CRKL: variants seen among roughly 807,000 people sequenced by gnomAD.
CRKL encodes CRK like proto-oncogene, adaptor protein.
In CRKL, 3 loss-of-function variants were observed where a neutral mutation model predicts 23.0. That is an observed-to-expected ratio of 0.13 (90% CI 0.06 to 0.34). CRKL has a LOEUF of 0.34. CRKL is among the 10% of genes least tolerant of loss of function. CRKL has a pLI of 1.00. For missense variants in CRKL, 256 were observed against 394.5 expected (o/e 0.65, Z 2.97); for synonymous variants, 188 against 160.7 (o/e 1.17, Z -1.28).
intron 1 of CRKL, among the ~76,000 whole-genome samples, chr22:20,931,535 T>C (rs1921453009): frequency 6.6e-6 from 1 of 152,228 alleles, no homozygotes; most frequent in African/African-American, 2.4e-5. Flanking sequence ...CCATTAATTC[T>C]CATACACCTG....
chr22:20,930,598 T>C (rs1476605057), intron 1 of CRKL, among the ~76,000 whole-genome samples: 1 of 150,624 alleles, frequency 6.6e-6, no homozygotes, highest in African/African-American at 2.4e-5. Flanking sequence ...GCCAGGTTGG[T>C]CTTGAACTCC....
At chr22:20,921,293 G>A (rs1920990402) in intron 1 of CRKL, among the ~76,000 whole-genome samples, 1 of 152,192 alleles carries the variant, frequency 6.6e-6, no homozygotes, top group Admixed American at 6.5e-5. Flanking sequence ...TTAAGGACTG[G>A]TGGCTTGCAT....
chr22:20,942,580 A>G lies in CRKL; in HGVS notation c.778-7131A>G, dbSNP rs541168899. Among the ~76,000 whole-genome samples the G allele has an allele frequency of 8.6e-5, 13 of 151,728 alleles. No homozygotes were observed. In the South Asian group the frequency reaches 2.3e-3, roughly 27 times the overall value. ...CCTTGCTTTCAGTTATTTTGGTTAT[A>G]TATCTCAGAGTGGATTTCTGGGTCA... is the stretch of plus-strand genomic sequence containing the variant. On this transcript the variant is annotated intron_variant, in intron 2 of 2. Transcript: ENST00000354336.
intron 1 of CRKL, among the ~76,000 whole-genome samples, chr22:20,931,017 T>G (rs954616142): frequency 6.6e-6 from 1 of 151,976 alleles, no homozygotes; most frequent in Admixed American, 6.6e-5. Context: ...TAAAATACTC[T>G]TGGATGGAGT....
intron 1 of CRKL, among the ~76,000 whole-genome samples, chr22:20,927,578 C>CA (rs1921271162): frequency 6.8e-6 from 1 of 147,106 alleles, no homozygotes; most frequent in African/African-American, 2.5e-5. Flanking sequence ...TGCCGTGGCT[C>CA]ACGCCTGTAA....
Position 20,949,734 on chromosome 22 carries a change from A to T in CRKL, c.801A>T (p.Thr267=). The stretch of plus-strand genomic sequence containing the variant: ...AGGTTGGTGACATCGTGAAAGTCAC[A>T]AGGATGAATATAAATGGCCAGTGGG... ...ALEVGDIVKV[T]RMNINGQWEG... is the part of the protein sequence containing the mutation. The change falls in exon 3 of 3, where the codon ACA becomes ACT. Residue 267 remains threonine (T), a synonymous_variant. Transcript: ENST00000354336. The T allele has an allele frequency of 1.2e-6, 2 of 1,613,200 alleles. No homozygotes were observed. The highest frequency in any genetic ancestry group is 4.5e-5 in the East Asian group (2 of 44,804).
intron 2 of CRKL, among the ~76,000 whole-genome samples, chr22:20,940,566 C>CTTTTTTTTTTTTTT (rs55853175): frequency 7.4e-6 from 1 of 134,922 alleles, no homozygotes. Context: ...TTTGGTGCTC[C>CTTTTTTTTTTTTTT]TTTTTTTTTT....
chr22:20,920,866 C>A (rs533215880), intron 1 of CRKL, among the ~76,000 whole-genome samples: 3 of 152,310 alleles, frequency 2.0e-5, no homozygotes, highest in Admixed American at 6.5e-5. Context: ...GACCCTACCC[C>A]TCACGTTCAG....
At chr22:20,922,829 C>G (rs780346896) in intron 1 of CRKL, among the ~76,000 whole-genome samples, 47 of 152,126 alleles carry the variant, frequency 3.1e-4, no homozygotes, top group Middle Eastern at 3.4e-3. Flanking sequence ...TGCACTGCCA[C>G]ACCTGGCTAA....
At chr22:20,923,441 G>T (rs1569131708) in intron 1 of CRKL, among the ~76,000 whole-genome samples, 1 of 151,866 alleles carries the variant, frequency 6.6e-6, no homozygotes, top group Admixed American at 6.6e-5. Context: ...CCATGCCCGG[G>T]TAACTTTTTG....
In CRKL at chr22:20,923,155, T is replaced by C. The variant is rs142654986; in HGVS notation, c.311+4910T>C. 3.1e-3 allele frequency among the ~76,000 whole-genome samples: 474 copies of C among 152,212 alleles called. 1 individual carries two copies. The highest frequency in any genetic ancestry group is 0.011 in the African/African-American group (456 of 41,540). The stretch of plus-strand genomic sequence containing the variant: ...ATTAAAAACTAAAGGAAGTTGGCCC[T>C]TCAAGAAAATAATGTACTGTACTCA... On this transcript the variant is annotated intron_variant, in intron 1 of 2. Transcript: ENST00000354336.
intron 2 of CRKL, 89 bp from the exon 3 acceptor site, chr22:20,949,622 C>G (rs992898979): frequency 1.5e-5 from 23 of 1,541,024 alleles, no homozygotes; most frequent in Non-Finnish European, 1.9e-5. Flanking sequence ...TGTATGGGCC[C>G]TTTGGATAAG....
intron 1 of CRKL, among the ~76,000 whole-genome samples, chr22:20,920,029 A>G (rs1455624802): frequency 6.6e-6 from 1 of 152,212 alleles, no homozygotes. Context: ...TGAGCACAAT[A>G]TAATTCCAAT....
rs188937680 is a variant in CRKL, at chr22:20,942,138, C to G, written c.778-7573C>G. On this transcript the variant is annotated intron_variant, in intron 2 of 2. Transcript: ENST00000354336. The stretch of plus-strand genomic sequence containing the variant: ...ATCTACCTTCTGTCTATGAATTTAC[C>G]TATTCTACCTACCTGATATAAGTAA... 4.3e-4 allele frequency among the ~76,000 whole-genome samples: 65 copies of G among 152,284 alleles called. No individual in the cohort carries two copies. The East Asian group carries it at 0.012, about 27-fold the overall frequency.
chr22:20,926,525 T>G (rs1921208869), intron 1 of CRKL, among the ~76,000 whole-genome samples: 1 of 152,130 alleles, frequency 6.6e-6, no homozygotes, highest in Non-Finnish European at 1.5e-5. Context: ...GTGATTCTTT[T>G]CAACAGGAAG....
chr22:20,950,387 G>A lies in CRKL; in HGVS notation c.*542G>A, dbSNP rs1276053848. 1 of 232,852 alleles carries A rather than the reference G, an allele frequency of 4.3e-6. No individual in the cohort carries two copies. Among genetic ancestry groups the A allele is most frequent in the Non-Finnish European group, 8.5e-6 (1 of 118,030 alleles). The allele number at this position is 232,852 out of a possible 1,614,324, so 14.4% of individuals were successfully genotyped here. The stretch of plus-strand genomic sequence containing the variant: ...AAAACTAATTAATTAGACTTGTGTG[G>A]GGGTTTTTTTTTGTTTTGTTTTGTT... On this transcript the variant is annotated 3_prime_UTR_variant, in exon 3 of 3. Transcript: ENST00000354336.
rs59126952 is a variant in CRKL at position 20,947,676 on chromosome 22, A to ATT, written c.778-2015_778-2014dup. ...TTTTCTTTTCTTTTTTCTTTTTTTCATTTTTTTTTTTTTTTTTTTTTGAGA... is the reference window on the plus strand; with the variant it reads ...TTTTCTTTTCTTTTTTCTTTTTTTCATTTTTTTTTTTTTTTTTTTTTTTGAGA... On this transcript the variant is annotated intron_variant, in intron 2 of 2. Coordinates refer to ENST00000354336, the MANE Select transcript of CRKL (RefSeq NM_005207.4). Among the ~76,000 whole-genome samples the ATT allele has an allele frequency of 8.5e-3, 767 of 90,516 alleles. 27 individuals carry two copies. Among genetic ancestry groups the ATT allele is most frequent in the East Asian group, 0.049 (143 of 2,918 alleles). The allele number at this position is 90,516 out of a possible 152,430, so 59.4% of individuals were successfully genotyped here.
intron 1 of CRKL, among the ~76,000 whole-genome samples, chr22:20,928,904 A>G (rs563902710): frequency 6.6e-6 from 1 of 151,892 alleles, no homozygotes; most frequent in East Asian, 1.9e-4. Flanking sequence ...CTTAGCATGC[A>G]TAAGGAGATT....
At position 20,943,007 on chromosome 22, in the gene CRKL, C is replaced by G. The variant is rs535065904; in HGVS notation, c.778-6704C>G. Among the ~76,000 whole-genome samples, 34 of 150,756 alleles carry G rather than the reference C, an allele frequency of 2.3e-4. 1 individual carries two copies. Among genetic ancestry groups the G allele is most frequent in the African/African-American group, 6.1e-4 (25 of 41,158 alleles). On this transcript the variant is annotated intron_variant, in intron 2 of 2. Transcript: ENST00000354336. Reference sequence around the variant, plus strand: ...ATATAAGGGCTCCCTTCTTCACCGCCAAAAAAAAATTCTTCCACATCCTCA... The same window carrying G: ...ATATAAGGGCTCCCTTCTTCACCGCGAAAAAAAAATTCTTCCACATCCTCA...
Sources: gnomAD v4.1 joint callset for allele counts (sites outside exome capture counted in the v4.1 genomes callset) on GRCh38, gnomAD v4.1.1 for gene constraint, MANE v1.5 for transcripts, NCBI Gene and HGNC (gene_info 2026-07-23, HGNC 2026-07-21) for gene names.